Variants in DNM1L observed in about 807,000 individuals in gnomAD.
The protein encoded by DNM1L is dynamin-1-like protein.
In DNM1L, 33 loss-of-function variants were observed where a neutral mutation model predicts 92.8. That is an observed-to-expected ratio of 0.36 (90% CI 0.27 to 0.48). The LOEUF is 0.48. Ranked by LOEUF, DNM1L falls within the 20% of genes least tolerant of loss-of-function variation. The pLI, the probability that DNM1L is intolerant of heterozygous loss-of-function variation, is 0.99. For synonymous variants in DNM1L, 284 were observed against 305.0 expected, an observed-to-expected ratio of 0.93 and a Z score of 0.72; for missense variants, 485 against 888.8, an observed-to-expected ratio of 0.55 and a Z score of 5.78.
chr12:32,694,306 G>A (rs921692053), intron 1 of DNM1L, among the ~76,000 whole-genome samples: 7 of 151,728 alleles, frequency 4.6e-5, no homozygotes, highest in African/African-American at 1.7e-4. Context: ...GGTTGGTCTC[G>A]AACTCCTGAC....
intron 1 of DNM1L, among the ~76,000 whole-genome samples, chr12:32,696,468 G>C (rs147196510): frequency 6.6e-6 from 1 of 151,744 alleles, no homozygotes; most frequent in Non-Finnish European, 1.5e-5. Context: ...TGGGTGTGGT[G>C]GTGTGAGCTT....
intron 2 of DNM1L, among the ~76,000 whole-genome samples, chr12:32,703,748 A>G (rs555291192): frequency 2.6e-4 from 39 of 152,252 alleles, no homozygotes; most frequent in African/African-American, 8.9e-4. Flanking sequence ...CTAAGATGAC[A>G]TGGAGAAGTA....
chr12:32,695,777 A>C (rs1202806300), intron 1 of DNM1L, among the ~76,000 whole-genome samples: 6 of 152,180 alleles, frequency 3.9e-5, no homozygotes, highest in African/African-American at 1.4e-4. Context: ...GTCTTGGATA[A>C]ATTAAGTGAA....
intron 1 of DNM1L, among the ~76,000 whole-genome samples, chr12:32,695,105 A>G (rs1198802049): frequency 6.6e-6 from 1 of 152,180 alleles, no homozygotes; most frequent in African/African-American, 2.4e-5. Flanking sequence ...GAAGGTCCAG[A>G]TAAAAGCAGG....
chr12:32,702,243 A>G (rs1308698408), intron 2 of DNM1L, among the ~76,000 whole-genome samples: 2 of 147,310 alleles, frequency 1.4e-5, no homozygotes, highest in Admixed American at 1.3e-4. Flanking sequence ...CAAAAAAAAA[A>G]AAAAAAAAAA....
intron 1 of DNM1L, among the ~76,000 whole-genome samples, chr12:32,694,433 GTGAC>G (rs1952355698): frequency 6.6e-6 from 1 of 152,202 alleles, no homozygotes; most frequent in African/African-American, 2.4e-5. Flanking sequence ...GTGGTCTTTT[GTGAC>G]TGACTAACTT....
At chr12:32,738,152 C>A in intron 15 of DNM1L, 112 bp from the exon 16 acceptor site, 1 of 1,293,702 alleles carries the variant, frequency 7.7e-7, no homozygotes, top group African/African-American at 1.5e-5. Context: ...ATAGAAGATG[C>A]ACACAGAAAA....
chr12:32,686,461 C>T (rs1271401580), intron 1 of DNM1L, among the ~76,000 whole-genome samples: 1 of 151,690 alleles, frequency 6.6e-6, no homozygotes, highest in Non-Finnish European at 1.5e-5. Context: ...ATTGAGCTGT[C>T]ACTCCCTCTT....
At chr12:32,721,474 C>T (rs368742382) in intron 8 of DNM1L, among the ~76,000 whole-genome samples, 1 of 151,888 alleles carries the variant, frequency 6.6e-6, no homozygotes, top group South Asian at 2.1e-4. Context: ...GTGGTAATTG[C>T]AGTAATATGA....
At chr12:32,729,853 G>A (rs755023760) in intron 9 of DNM1L, among the ~76,000 whole-genome samples, 1 of 152,088 alleles carries the variant, frequency 6.6e-6, no homozygotes, top group Non-Finnish European at 1.5e-5. Flanking sequence ...GCTTACTTCT[G>A]TTAGCATAAT....
chr12:32,684,268 C>T (rs990773585), intron 1 of DNM1L, among the ~76,000 whole-genome samples: 3 of 152,166 alleles, frequency 2.0e-5, no homozygotes, highest in Non-Finnish European at 2.9e-5. Flanking sequence ...GACTCTGATA[C>T]AGATGGTTCC....
In DNM1L at chr12:32,743,782, C is replaced by T; in HGVS notation, c.*372C>T. 4.1e-6 allele frequency: 1 copy of T among 246,632 alleles called. No individual in the cohort carries two copies. Among genetic ancestry groups the T allele is most frequent in the Non-Finnish European group, 7.9e-6 (1 of 125,790 alleles). The allele number at this position is 246,632 out of a possible 1,614,324, so 15.3% of individuals were successfully genotyped here. A position where few individuals can be genotyped will look rare whatever the true frequency, so the allele number is the denominator to read the frequency against. ...TCTTAAAGCTGCTGCCATAGTCCTC[C>T]AAGAAGAAAGCACCAAGACAACATT... is the stretch of plus-strand genomic sequence containing the variant. On this transcript the variant is annotated 3_prime_UTR_variant, in exon 20 of 20. Coordinates refer to ENST00000549701, the MANE Select transcript of DNM1L (RefSeq NM_012062.5).
At chr12:32,735,504 CTG>C (rs1280712664) in intron 13 of DNM1L, among the ~76,000 whole-genome samples, 2 of 152,072 alleles carry the variant, frequency 1.3e-5, no homozygotes, top group African/African-American at 4.8e-5. Context: ...CTTTTATTAT[CTG>C]TTATTTTTTA....
chr12:32,736,777 GACAGTTT>G (rs1441436299), intron 13 of DNM1L, among the ~76,000 whole-genome samples: 2 of 152,274 alleles, frequency 1.3e-5, no homozygotes, highest in Admixed American at 1.3e-4. Flanking sequence ...TTTATGTGAG[GACAGTTT>G]ACATCACTGT....
At chr12:32,716,710 A>G (rs2137395116) in intron 6 of DNM1L, among the ~76,000 whole-genome samples, 1 of 146,284 alleles carries the variant, frequency 6.8e-6, no homozygotes, top group East Asian at 2.0e-4. Flanking sequence ...TTATATATAT[A>G]CTATATATAG....
intron 12 of DNM1L, chr12:32,732,699 C>A: frequency 2.4e-6 from 1 of 416,396 alleles, no homozygotes; most frequent in Admixed American, 2.9e-5. Context: ...ATCATTGGAC[C>A]TTCATTTTAA....
At position 32,743,665 on chromosome 12, in the gene DNM1L, GAACTT is replaced by G. The variant is rs1174927079; in HGVS notation, c.*263_*267del. Reference sequence around the variant, plus strand: ...AGTCTGTCTTGTGACAGTTTCATCTGAACTTAACTTAAAAACAACTGTTAATGTTC... The same window carrying G: ...AGTCTGTCTTGTGACAGTTTCATCTGAACTTAAAAACAACTGTTAATGTTC... On this transcript the variant is annotated 3_prime_UTR_variant, in exon 20 of 20. Transcript: ENST00000549701. The G allele has an allele frequency of 5.6e-5, 27 of 484,666 alleles. No homozygotes were observed. The highest frequency in any genetic ancestry group is 5.5e-4 in the Middle Eastern group (1 of 1,810). The allele number at this position is 484,666 out of a possible 1,614,324, so 30.0% of individuals were successfully genotyped here. A position where few individuals can be genotyped will look rare whatever the true frequency, so the allele number is the denominator to read the frequency against.
chr12:32,723,068 G>A (rs1371256092), intron 9 of DNM1L, among the ~76,000 whole-genome samples: 1 of 151,438 alleles, frequency 6.6e-6, no homozygotes, highest in East Asian at 1.9e-4. Flanking sequence ...CTACTCAGAA[G>A]GCTGAGGTAG....
chr12:32,722,419 T>C lies in DNM1L; in HGVS notation c.873-8T>C, dbSNP rs1214278343. 6.2e-7 allele frequency: 1 copy of C among 1,609,676 alleles called. No homozygotes were observed. Among genetic ancestry groups the C allele is most frequent in the Admixed American group, 1.7e-5 (1 of 59,938 alleles). ...ACTTTTAAATCCTTCCTTTCTAACC[T>C]TTTTTAGGTTACTGATGCATCACAT... On this transcript the variant is annotated splice_region_variant and splice_polypyrimidine_tract_variant and intron_variant, in intron 8 of 19. Transcript: ENST00000549701.
Sources: gnomAD v4.1 joint callset for allele counts (sites outside exome capture counted in the v4.1 genomes callset) on GRCh38, gnomAD v4.1.1 for gene constraint, MANE v1.5 for transcripts, NCBI Gene and HGNC (gene_info 2026-07-23, HGNC 2026-07-21) for gene names.